MITF: variants seen among roughly 807,000 people sequenced by gnomAD.
MITF encodes microphthalmia-associated transcription factor.
In MITF, 17 loss-of-function variants were observed where a neutral mutation model predicts 60.5. The observed-to-expected ratio is 0.28, with a 90% CI of 0.19 to 0.42. The LOEUF (loss-of-function observed/expected upper bound fraction) is 0.42, where lower values mean the gene tolerates loss of function less well. Among genes scored for constraint, MITF ranks in the 10% least tolerant of loss-of-function variants. The pLI is 1.00. For synonymous variants in MITF, 260 were observed against 248.5 expected (o/e 1.05, Z -0.43); for missense variants, 622 against 683.5 (o/e 0.91, Z 1.00).
chr3:69,842,557 T>C (rs1052538071), intron 1 of MITF, among the ~76,000 whole-genome samples: 5 of 152,154 alleles, frequency 3.3e-5, no homozygotes, highest in African/African-American at 1.2e-4. Context: ...ATAACACTCT[T>C]AGTAAACGGA....
At chr3:69,743,844 A>C (rs956528162) in intron 1 of MITF, among the ~76,000 whole-genome samples, 5 of 152,226 alleles carry the variant, frequency 3.3e-5, no homozygotes, top group Non-Finnish European at 5.9e-5. Context: ...TTTTGTACCC[A>C]AAAACATTTT....
intron 2 of MITF, among the ~76,000 whole-genome samples, chr3:69,907,720 C>A (rs76105647): frequency 0.015 from 2,323 of 152,276 alleles, 26 homozygotes; most frequent in Middle Eastern, 0.051. Flanking sequence ...AGATCATTGG[C>A]TCTCTTTTTC....
At chr3:69,807,480 A>G (rs1442211766) in intron 1 of MITF, among the ~76,000 whole-genome samples, 4 of 152,200 alleles carry the variant, frequency 2.6e-5, no homozygotes, top group Non-Finnish European at 4.4e-5. Flanking sequence ...TCTCAAAGGC[A>G]ATTGTGGAAC....
At chr3:69,763,567 C>T (rs2062242557) in intron 1 of MITF, 2 of 1,168,636 alleles carry the variant, frequency 1.7e-6, no homozygotes, top group South Asian at 2.3e-5. Context: ...ATTTAGCCTT[C>T]CTAGTGTTGA....
intron 2 of MITF, among the ~76,000 whole-genome samples, chr3:69,912,190 G>T (rs1379393125): frequency 6.6e-6 from 1 of 152,206 alleles, no homozygotes; most frequent in Non-Finnish European, 1.5e-5. Context: ...ATCACACAAA[G>T]TTATAGGTGC....
At chr3:69,842,641 C>T (rs1210999432) in intron 1 of MITF, among the ~76,000 whole-genome samples, 1 of 152,168 alleles carries the variant, frequency 6.6e-6, no homozygotes, top group Non-Finnish European at 1.5e-5. Context: ...CCTACTGTTT[C>T]TTGAAGACAG....
At chr3:69,891,731 A>G (rs1471584233) in intron 2 of MITF, among the ~76,000 whole-genome samples, 2 of 152,216 alleles carry the variant, frequency 1.3e-5, no homozygotes, top group Non-Finnish European at 2.9e-5. Context: ...AGTTATGGCA[A>G]ATCTCCAACA....
intron 1 of MITF, among the ~76,000 whole-genome samples, chr3:69,795,352 T>C (rs2062810502): frequency 1.3e-5 from 2 of 152,206 alleles, no homozygotes; most frequent in African/African-American, 4.8e-5. Flanking sequence ...TTAAAAAACA[T>C]ATAGAAAATT....
intron 9 of MITF, among the ~76,000 whole-genome samples, chr3:69,961,650 G>T (rs537217390): frequency 1.3e-5 from 2 of 152,086 alleles, no homozygotes; most frequent in Non-Finnish European, 2.9e-5. Context: ...AGGAGAACCC[G>T]GGAGGCAGAG....
At chr3:69,792,289 A>C (rs1331647649) in intron 1 of MITF, among the ~76,000 whole-genome samples, 4 of 152,156 alleles carry the variant, frequency 2.6e-5, no homozygotes, top group Non-Finnish European at 4.4e-5. Flanking sequence ...CACTGCTTTT[A>C]TCCATTAAAT....
At chr3:69,783,445 G>A (rs1371833954) in intron 1 of MITF, among the ~76,000 whole-genome samples, 1 of 151,024 alleles carries the variant, frequency 6.6e-6, no homozygotes, top group Non-Finnish European at 1.5e-5. Flanking sequence ...GTATGTGTGT[G>A]TGTGCACGTA....
chr3:69,925,199 G>A (rs553597279), intron 2 of MITF, among the ~76,000 whole-genome samples: 1 of 152,156 alleles, frequency 6.6e-6, no homozygotes, highest in African/African-American at 2.4e-5. Context: ...CAACTATTAG[G>A]TAGGTAGGAT....
intron 2 of MITF, among the ~76,000 whole-genome samples, chr3:69,894,455 G>A (rs1273725644): frequency 6.6e-6 from 1 of 152,196 alleles, no homozygotes. Context: ...GGAGGCCGAG[G>A]TGGGTGGATC....
chr3:69,858,897 T>G (rs1041507426), intron 1 of MITF, among the ~76,000 whole-genome samples: 1 of 152,218 alleles, frequency 6.6e-6, no homozygotes, highest in Admixed American at 6.5e-5. Flanking sequence ...TAACAATGTT[T>G]TGAAATAGAG....
chr3:69,949,298 G>A (rs893970657), intron 6 of MITF, 130 bp downstream of exon 6: 7 of 655,192 alleles, frequency 1.1e-5, no homozygotes, highest in African/African-American at 5.5e-5. Flanking sequence ...CTCTGCAGTG[G>A]TTAAAACATT....
chr3:69,765,318 G>A (rs1197100597), intron 1 of MITF, among the ~76,000 whole-genome samples: 1 of 152,150 alleles, frequency 6.6e-6, no homozygotes, highest in Non-Finnish European at 1.5e-5. Flanking sequence ...AGACCAGAAT[G>A]TGTCTTTTTA....
intron 1 of MITF, among the ~76,000 whole-genome samples, chr3:69,828,665 A>C (rs1428970778): frequency 6.6e-6 from 1 of 152,148 alleles, no homozygotes; most frequent in Non-Finnish European, 1.5e-5. Context: ...AATGAGTCTC[A>C]TTATAATGAT....
At chr3:69,905,271 TAA>T (rs2065073297) in intron 2 of MITF, among the ~76,000 whole-genome samples, 1 of 152,182 alleles carries the variant, frequency 6.6e-6, no homozygotes, top group Non-Finnish European at 1.5e-5. Flanking sequence ...TCACTCAGCA[TAA>T]TTAATTTGCA....
At chr3:69,825,042 C>A (rs1308217758) in intron 1 of MITF, among the ~76,000 whole-genome samples, 2 of 150,914 alleles carry the variant, frequency 1.3e-5, no homozygotes, top group Non-Finnish European at 3.0e-5. Flanking sequence ...CTCTTTACTT[C>A]TTGCTAGCTA....
Sources: gnomAD v4.1 joint callset for allele counts (sites outside exome capture counted in the v4.1 genomes callset) on GRCh38, gnomAD v4.1.1 for gene constraint, MANE v1.5 for transcripts, NCBI Gene and HGNC (gene_info 2026-07-23, HGNC 2026-07-21) for gene names.